INPP4A: variants seen among roughly 807,000 people sequenced by gnomAD.
INPP4A encodes the protein inositol polyphosphate-4-phosphatase, type I, 107kD.
In INPP4A, 33 loss-of-function variants were observed where a neutral mutation model predicts 119.8. That is an observed-to-expected ratio of 0.28 (90% CI 0.21 to 0.37). The LOEUF is 0.37. INPP4A is among the 10% of genes least tolerant of loss of function. The pLI, the probability that INPP4A is intolerant of heterozygous loss-of-function variation, is 1.00. For missense variants in INPP4A, 956 were observed against 1,289.9 expected (o/e 0.74, Z 3.97); for synonymous variants, 496 against 500.7 (o/e 0.99, Z 0.12).
At chr2:98,528,281 A>C (rs1042452896) in intron 4 of INPP4A, among the ~76,000 whole-genome samples, 1 of 152,222 alleles carries the variant, frequency 6.6e-6, no homozygotes, top group South Asian at 2.1e-4. Context: ...GAGAGGCTCA[A>C]CTGTAGGTTT....
In INPP4A at chr2:98,557,135, AT is replaced by A. The variant is rs573601545; in HGVS notation, c.1822+1335del. Among the ~76,000 whole-genome samples, 866 of 151,942 alleles carry A rather than the reference AT, an allele frequency of 5.7e-3. 11 individuals are homozygous for A. The highest frequency in any genetic ancestry group is 0.031 in the Middle Eastern group (9 of 292). ...GGATTATATCCCTAACTTAAGTGTC[AT>A]TTTTTTTCTAGGCACATCCTGTATT... is the stretch of plus-strand genomic sequence containing the variant. On this transcript the variant is annotated intron_variant, in intron 16 of 24. Coordinates refer to ENST00000409851, the MANE Select transcript of INPP4A (RefSeq NM_001134225.2).
chr2:98,542,873 C>T (rs1051856979), intron 10 of INPP4A, among the ~76,000 whole-genome samples: 2 of 151,964 alleles, frequency 1.3e-5, no homozygotes, highest in Non-Finnish European at 2.9e-5. Flanking sequence ...CAAGGTCAGG[C>T]CTGATTTCAT....
chr2:98,452,688 C>T (rs1334164692), intron 1 of INPP4A, among the ~76,000 whole-genome samples: 9 of 152,142 alleles, frequency 5.9e-5, no homozygotes, highest in Admixed American at 5.9e-4. Context: ...GTTTCTCAGC[C>T]CCCTTGCCTC....
intron 17 of INPP4A, among the ~76,000 whole-genome samples, chr2:98,560,283 T>C (rs975444277): frequency 2.0e-5 from 3 of 152,164 alleles, no homozygotes; most frequent in African/African-American, 7.2e-5. Context: ...TATTTCTGAC[T>C]GGTTATAAAT....
chr2:98,455,949 C>T (rs1696069232), intron 1 of INPP4A, among the ~76,000 whole-genome samples: 1 of 152,178 alleles, frequency 6.6e-6, no homozygotes, highest in Non-Finnish European at 1.5e-5. Flanking sequence ...CCGTGCCTTT[C>T]CTTGGCTTTT....
intron 24 of INPP4A, among the ~76,000 whole-genome samples, chr2:98,585,738 A>G (rs1024012540): frequency 3.9e-5 from 6 of 152,268 alleles, no homozygotes; most frequent in African/African-American, 1.4e-4. Context: ...TTTGAAAACT[A>G]CGTTGAAATG....
chr2:98,534,563 A>G lies in INPP4A; in HGVS notation c.270+1068A>G, dbSNP rs530970219. Among the ~76,000 whole-genome samples, 11 of 152,330 alleles carry G rather than the reference A, an allele frequency of 7.2e-5. No homozygotes were observed. In the East Asian group the frequency reaches 1.2e-3, roughly 16 times the overall value. ...GGGACTCCACATGAAGAGCACGCCA[A>G]AGTTCTGTTGTGGCTATGCAAATGT... On this transcript the variant is annotated intron_variant, in intron 5 of 24. Transcript: ENST00000409851.
intron 1 of INPP4A, among the ~76,000 whole-genome samples, chr2:98,452,636 C>G (rs1409362867): frequency 6.6e-6 from 1 of 152,188 alleles, no homozygotes; most frequent in Non-Finnish European, 1.5e-5. Flanking sequence ...TCTCCGGAGT[C>G]CTTCCCCTGC....
chr2:98,451,351 C>T lies in INPP4A; in HGVS notation c.-166+6266C>T, dbSNP rs181028765. Among the ~76,000 whole-genome samples, 3 of 152,184 alleles carry T rather than the reference C, an allele frequency of 2.0e-5. No homozygotes were observed. The East Asian group carries it at 5.8e-4, about 29-fold the overall frequency. On this transcript the variant is annotated intron_variant, in intron 1 of 24. Coordinates refer to ENST00000409851, the MANE Select transcript of INPP4A (RefSeq NM_001134225.2). ...AGTAAGCAGATGTATATGGTGGGGG[C>T]AGTGGGGGGATCATGCTCTGGTGAG...
chr2:98,540,418 C>T (rs1691196079), intron 10 of INPP4A, among the ~76,000 whole-genome samples: 1 of 152,260 alleles, frequency 6.6e-6, no homozygotes, highest in South Asian at 2.1e-4. Context: ...TTCTGCATCT[C>T]TCAACCCAGG....
At chr2:98,547,638 A>T (rs1692709412) in intron 13 of INPP4A, among the ~76,000 whole-genome samples, 1 of 152,156 alleles carries the variant, frequency 6.6e-6, no homozygotes, top group Non-Finnish European at 1.5e-5. Flanking sequence ...AGGGAGAATA[A>T]TTATGACTTA....
At chr2:98,583,190 T>C (rs1403671806) in intron 24 of INPP4A, among the ~76,000 whole-genome samples, 1 of 152,202 alleles carries the variant, frequency 6.6e-6, no homozygotes, top group Non-Finnish European at 1.5e-5. Context: ...GTTAAAGTTA[T>C]ATACTTTTAT....
intron 1 of INPP4A, among the ~76,000 whole-genome samples, chr2:98,449,794 T>C (rs965914756): frequency 6.6e-6 from 1 of 152,240 alleles, no homozygotes; most frequent in African/African-American, 2.4e-5. Context: ...TCCATTAGGC[T>C]TTGAAACTGT....
At chr2:98,470,618 G>A (rs1016762195) in intron 1 of INPP4A, among the ~76,000 whole-genome samples, 8 of 152,170 alleles carry the variant, frequency 5.3e-5, no homozygotes, top group African/African-American at 1.9e-4. Flanking sequence ...CTGGTTAGAC[G>A]TGGTTCAGGG....
At chr2:98,577,338 T>G (rs1698598205) in intron 24 of INPP4A, among the ~76,000 whole-genome samples, 195 bp downstream of exon 24, 1 of 151,914 alleles carries the variant, frequency 6.6e-6, no homozygotes, top group African/African-American at 2.4e-5. Flanking sequence ...TAAGGTAAGG[T>G]GGGGGGTAAC....
chr2:98,478,562 TG>T (rs1677738223), intron 1 of INPP4A, among the ~76,000 whole-genome samples: 1 of 152,174 alleles, frequency 6.6e-6, no homozygotes, highest in Non-Finnish European at 1.5e-5. Flanking sequence ...GAGTTAACTC[TG>T]GGCACTCCCT....
At chr2:98,526,111 AAAAG>A (rs1455579585) in intron 4 of INPP4A, among the ~76,000 whole-genome samples, 1 of 152,222 alleles carries the variant, frequency 6.6e-6, no homozygotes, top group Non-Finnish European at 1.5e-5. Context: ...CATTTTTTAA[AAAAG>A]AATGAATTAT....
intron 4 of INPP4A, among the ~76,000 whole-genome samples, chr2:98,523,643 C>T (rs1687656651): frequency 6.6e-6 from 1 of 152,156 alleles, no homozygotes; most frequent in African/African-American, 2.4e-5. Flanking sequence ...ATCTGCCCGC[C>T]TCGGCCTCCC....
intron 1 of INPP4A, among the ~76,000 whole-genome samples, chr2:98,489,925 G>A (rs958566382): frequency 7.2e-6 from 1 of 138,026 alleles, no homozygotes; most frequent in African/African-American, 2.8e-5. Flanking sequence ...TTCCATATGG[G>A]ATTGACATCC....
Sources: gnomAD v4.1 joint callset for allele counts (sites outside exome capture counted in the v4.1 genomes callset) on GRCh38, gnomAD v4.1.1 for gene constraint, MANE v1.5 for transcripts, NCBI Gene and HGNC (gene_info 2026-07-23, HGNC 2026-07-21) for gene names.